PCDHGA5: variants seen among roughly 807,000 people sequenced by gnomAD.
PCDHGA5 encodes protocadherin gamma-A5.
A neutral mutation model predicts 56.7 loss-of-function variants in PCDHGA5; 36 were observed. The ratio of observed to expected loss-of-function variants is 0.64; its 90% CI spans 0.49 to 0.84. The LOEUF (loss-of-function observed/expected upper bound fraction) is 0.84. Ranked by LOEUF, PCDHGA5 falls within the 40% of genes least tolerant of loss-of-function variation. The pLI is 0.00. For synonymous variants in PCDHGA5, 563 were observed against 520.2 expected, an observed-to-expected ratio of 1.08 and a Z score of -1.12; for missense variants, 1,305 against 1,201.5, an observed-to-expected ratio of 1.09 and a Z score of -1.27.
chr5:141,459,976 G>A (rs1013971472), intron 1 of PCDHGA5, among the ~76,000 whole-genome samples: 1 of 152,202 alleles, frequency 6.6e-6, no homozygotes, highest in Non-Finnish European at 1.5e-5. Flanking sequence ...TACTCAGGAG[G>A]CTGAGACAGG....
At chr5:141,479,241 G>A (rs2099490987) in intron 1 of PCDHGA5, 1 of 152,174 alleles carries the variant, frequency 6.6e-6, no homozygotes, top group Non-Finnish European at 1.5e-5. Context: ...CAAACCCAAA[G>A]ATAACCATTT....
chr5:141,429,239 T>C (rs1344971786), intron 1 of PCDHGA5: 1 of 151,802 alleles, frequency 6.6e-6, no homozygotes, highest in East Asian at 1.9e-4. Context: ...ACTGCTGTCA[T>C]TGAGATATTT....
At chr5:141,427,304 C>G in intron 1 of PCDHGA5, 1 of 456,910 alleles carries the variant, frequency 2.2e-6, no homozygotes. Flanking sequence ...ATGAGAATGA[C>G]AATGCCCCAG....
intron 1 of PCDHGA5, chr5:141,370,610 G>T (rs547118708): frequency 1.9e-6 from 3 of 1,613,986 alleles, no homozygotes; most frequent in Middle Eastern, 1.6e-4. Context: ...TTGCAGAGAA[G>T]AAATTCTTTA....
In PCDHGA5 at chr5:141,365,219, A is replaced by G. The variant is rs569659080; in HGVS notation, c.889A>G (p.Asn297Asp). 1.4e-5 allele frequency: 22 copies of G among 1,613,962 alleles called. No homozygotes were observed. The Admixed American group carries it at 2.3e-4, about 17-fold the overall frequency. ...KISETFQLDS[N>D]LGEISTLQSL... ...TTCGGAGACTTTCCAACTTGATTCC[A>G]ACCTGGGGGAAATCTCAACTCTACA... The change falls in exon 1 of 4, where the codon AAC becomes GAC. Residue 297 changes from asparagine (N) to aspartate (D), a missense_variant. Asn to Asp is a conservative substitution (Grantham distance 23). Coordinates refer to ENST00000518069, the MANE Select transcript of PCDHGA5 (RefSeq NM_018918.3).
At chr5:141,495,910 A>C (rs2154591812) in intron 2 of PCDHGA5, among the ~76,000 whole-genome samples, 1 of 151,278 alleles carries the variant, frequency 6.6e-6, no homozygotes, top group East Asian at 1.9e-4. Flanking sequence ...GTCTCTGTAT[A>C]TCTTTCTTTG....
intron 1 of PCDHGA5, among the ~76,000 whole-genome samples, chr5:141,464,222 G>A (rs1189319398): frequency 2.7e-5 from 4 of 147,818 alleles, no homozygotes; most frequent in African/African-American, 7.5e-5. Flanking sequence ...CTGAGATTGC[G>A]CCACTGCACT....
intron 1 of PCDHGA5, chr5:141,375,808 G>A (rs992921332): frequency 6.2e-7 from 1 of 1,614,226 alleles, no homozygotes; most frequent in Non-Finnish European, 8.5e-7. Context: ...CCACTGGCGT[G>A]GAGCTGGCGC....
rs145936007 is a variant in PCDHGA5, at chr5:141,490,795, C to T, written c.2422-4012C>T. 2.0e-5 allele frequency: 33 copies of T among 1,614,036 alleles called. No homozygotes were observed. Among genetic ancestry groups the T allele is most frequent in the Non-Finnish European group, 2.8e-5 (33 of 1,179,922 alleles). ...CCCAGAGGATGGACGGATCTTTGCC[C>T]AGCGTACCTTTGACTATGAATTGCT... On this transcript the variant is annotated intron_variant, in intron 1 of 3. Coordinates refer to ENST00000518069, the MANE Select transcript of PCDHGA5 (RefSeq NM_018918.3). This position sits in a 1 kb window ranked among gnomAD's most constrained non-coding sequence, Gnocchi z 5.4.
chr5:141,394,855 C>T (rs1201168639), intron 1 of PCDHGA5: 2 of 1,613,778 alleles, frequency 1.2e-6, no homozygotes, highest in African/African-American at 1.3e-5. Context: ...CTGAAGCCTT[C>T]GGTCGACCCG....
chr5:141,372,754 G>T, intron 1 of PCDHGA5: 6 of 1,613,022 alleles, frequency 3.7e-6, no homozygotes, highest in African/African-American at 1.3e-5. Context: ...GAAGCCTCTT[G>T]GTTTGAAAGT....
chr5:141,423,603 C>G, intron 1 of PCDHGA5: 1 of 1,612,584 alleles, frequency 6.2e-7, no homozygotes. Flanking sequence ...GCGAGCCACT[C>G]TTGATAGCTG....
chr5:141,383,273 A>G, intron 1 of PCDHGA5: 1 of 1,613,960 alleles, frequency 6.2e-7, no homozygotes, highest in Non-Finnish European at 8.5e-7. Flanking sequence ...GAAATAATAG[A>G]TATTAATGAC....
chr5:141,430,914 T>G (rs750607631), intron 1 of PCDHGA5: 1 of 1,607,676 alleles, frequency 6.2e-7, no homozygotes, highest in Non-Finnish European at 8.5e-7. Context: ...TCCAGGGACC[T>G]GGGGCTGGAG....
intron 1 of PCDHGA5, chr5:141,414,764 A>G: frequency 6.2e-7 from 1 of 1,614,194 alleles, no homozygotes; most frequent in Non-Finnish European, 8.5e-7. Flanking sequence ...GAGCAGTTTC[A>G]TGAGCTACAG....
chr5:141,398,900 G>C (rs765284630), intron 1 of PCDHGA5: 1 of 1,613,964 alleles, frequency 6.2e-7, no homozygotes, highest in South Asian at 1.1e-5. Context: ...GTGCCACCAG[G>C]CACCACTGTG....
chr5:141,399,478 G>A, intron 1 of PCDHGA5: 2 of 1,614,012 alleles, frequency 1.2e-6, no homozygotes, highest in East Asian at 2.2e-5. Flanking sequence ...TTTCCACCAG[G>A]CGTCCTACTT....
intron 1 of PCDHGA5, among the ~76,000 whole-genome samples, chr5:141,450,782 C>T (rs1012152203): frequency 2.0e-5 from 3 of 151,350 alleles, no homozygotes; most frequent in East Asian, 1.9e-4. Flanking sequence ...CCACCGTGCC[C>T]GGACCTCATG....
chr5:141,388,861 T>C lies in PCDHGA5; in HGVS notation c.2421+22110T>C, dbSNP rs1487226750. 7 of 1,613,872 alleles carry C rather than the reference T, an allele frequency of 4.3e-6. No homozygotes were observed. The East Asian group carries it at 1.1e-4, about 26-fold the overall frequency. On this transcript the variant is annotated intron_variant, in intron 1 of 3. Transcript: ENST00000518069. ...GAAGCAAGGGACGGTGGAGGAATGATTGCGCAATGCACAGTGGAGGTAGAA... is the reference window on the plus strand; with the variant it reads ...GAAGCAAGGGACGGTGGAGGAATGACTGCGCAATGCACAGTGGAGGTAGAA...
Sources: allele counts gnomAD v4.1 joint callset (sites outside exome capture counted in the v4.1 genomes callset), GRCh38; gene constraint gnomAD v4.1.1; non-coding constraint Gnocchi (gnomAD v3.1); transcripts MANE v1.5; gene names NCBI Gene and HGNC (gene_info 2026-07-23, HGNC 2026-07-21).